The following WNK1 variants were observed in gnomAD, a reference collection of about 807,000 sequenced individuals.
The protein encoded by WNK1 is serine/threonine-protein kinase WNK1.
WNK1 carries 38 observed loss-of-function variants against 222.8 expected under a neutral mutation model. The ratio of observed to expected loss-of-function variants is 0.17; its 90% CI spans 0.13 to 0.22. The LOEUF is 0.22. WNK1 is among the 10% of genes least tolerant of loss of function. WNK1 has a pLI of 1.00. For missense variants in WNK1, 2,348 were observed against 2,918.4 expected, an observed-to-expected ratio of 0.80 and a Z score of 4.50; for synonymous variants, 1,090 against 1,092.9, an observed-to-expected ratio of 1.00 and a Z score of 0.05.
chr12:906,589 C>G, intron 26 of WNK1: 1 of 985,352 alleles, frequency 1.0e-6, no homozygotes, highest in Non-Finnish European at 1.2e-6. Flanking sequence ...GCACACCATA[C>G]AGTCCTTTCC....
At chr12:848,349 A>G (rs767708051) in intron 4 of WNK1, among the ~76,000 whole-genome samples, 3 of 152,156 alleles carry the variant, frequency 2.0e-5, no homozygotes, top group South Asian at 2.1e-4. Flanking sequence ...GTAAAACACA[A>G]ATTGGAGATG....
In WNK1 at chr12:901,238, T is replaced by C. The variant is rs11836302; in HGVS notation, c.6643+568T>C. Among the ~76,000 whole-genome samples, 472 of 152,228 alleles carry C rather than the reference T, an allele frequency of 3.1e-3. 3 individuals are homozygous for C. The highest frequency in any genetic ancestry group is 0.011 in the African/African-American group (437 of 41,534). On this transcript the variant is annotated intron_variant, in intron 26 of 27. Transcript: ENST00000315939. The stretch of plus-strand genomic sequence containing the variant: ...ATCTGGGTGAGAAGAATGAAAAAAA[T>C]ATAGGTACTGGCTTATGTGCCTTTG...
At position 754,153 on chromosome 12, in the gene WNK1, A is replaced by G. The variant is rs766350232; in HGVS notation, c.588A>G (p.Glu196=). ...GGGSAKEPQE[E]RSQQQDDIEE... is the part of the protein sequence containing the mutation. ...GCAGCGCCAAGGAGCCACAGGAGGA[A>G]CGGAGCCAGCAGCAGGATGATATCG... The change falls in exon 1 of 28, where the codon GAA becomes GAG. Residue 196 remains glutamate (E), a synonymous_variant. Coordinates refer to ENST00000315939, the MANE Select transcript of WNK1 (RefSeq NM_018979.4). 3 of 1,613,038 alleles carry G rather than the reference A, an allele frequency of 1.9e-6. No individual in the cohort carries two copies. The South Asian group carries it at 3.3e-5, about 18-fold the overall frequency.
chr12:858,728 G>T (rs1302458482), intron 5 of WNK1, among the ~76,000 whole-genome samples: 1 of 152,104 alleles, frequency 6.6e-6, no homozygotes, highest in East Asian at 1.9e-4. Context: ...CTGTGAGCAA[G>T]ATTCTCAACC....
chr12:813,001 G>A (rs1016725711), intron 1 of WNK1, among the ~76,000 whole-genome samples: 3 of 152,048 alleles, frequency 2.0e-5, no homozygotes, highest in African/African-American at 7.3e-5. Flanking sequence ...CAGGCTTTGG[G>A]ATGCCAAAGT....
chr12:767,486 C>T (rs924065622), intron 1 of WNK1, among the ~76,000 whole-genome samples: 21 of 151,448 alleles, frequency 1.4e-4, no homozygotes, highest in African/African-American at 3.6e-4. Flanking sequence ...CTCCTGACCC[C>T]GTGATCCACC....
chr12:904,156 C>T (rs1040018328), intron 26 of WNK1, among the ~76,000 whole-genome samples: 1 of 152,116 alleles, frequency 6.6e-6, no homozygotes, highest in African/African-American at 2.4e-5. Flanking sequence ...GACTGGAGTT[C>T]CTCGCCAATT....
intron 4 of WNK1, among the ~76,000 whole-genome samples, chr12:848,496 CTTTTTT>C (rs10644583): frequency 3.0e-5 from 3 of 99,256 alleles, no homozygotes; most frequent in Non-Finnish European, 3.8e-5. Flanking sequence ...CCAGTAAAAA[CTTTTTT>C]TTTTTTTTTT....
At position 809,243 on chromosome 12, in the gene WNK1, A is replaced by ATTT. The variant is rs869187932; in HGVS notation, c.760-4387_760-4385dup. 1.0e-3 allele frequency among the ~76,000 whole-genome samples: 107 copies of ATTT among 104,558 alleles called. 1 individual carries two copies. The highest frequency in any genetic ancestry group is 3.0e-3 in the African/African-American group (81 of 26,632). The allele number at this position is 104,558 out of a possible 152,430, so 68.6% of individuals were successfully genotyped here. A position where few individuals can be genotyped will look rare whatever the true frequency, so the allele number is the denominator to read the frequency against. ...TTTTGAGGAAAAAAAAAAAAAAAAA[A>ATTT]TTTTTTTTTTTTTTGGTCTTTCTGA... On this transcript the variant is annotated intron_variant, in intron 1 of 27. Transcript: ENST00000315939.
intron 4 of WNK1, chr12:851,306 A>G (rs1950404133): frequency 2.1e-6 from 2 of 943,960 alleles, no homozygotes; most frequent in Non-Finnish European, 2.5e-6. Context: ...ATGGGTTTCT[A>G]GTGTACATAG....
At position 883,495 on chromosome 12, in the gene WNK1, G is replaced by C. The variant is rs1592165053; in HGVS notation, c.3590G>C (p.Ser1197Thr). 1 of 1,614,068 alleles carries C rather than the reference G, an allele frequency of 6.2e-7. No homozygotes were observed. The highest frequency in any genetic ancestry group is 8.5e-7 in the Non-Finnish European group (1 of 1,180,026). The change falls in exon 16 of 28, where the codon AGT (serine) becomes ACT (threonine). Residue 1197 changes from serine (S) to threonine (T), a missense_variant. Ser to Thr is a moderately conservative substitution (Grantham distance 58). Transcript: ENST00000315939. The part of the protein sequence containing the change: ...KADEMLSEDV[S>T]VEPEGDQGLE... Reference sequence around the variant, plus strand: ...GATGAAATGCTCAGTGAGGATGTCAGTGTGGAACCAGAGGGTGATCAGGGA... The same window carrying C: ...GATGAAATGCTCAGTGAGGATGTCACTGTGGAACCAGAGGGTGATCAGGGA...
At chr12:873,820 C>T (rs771931260) in intron 9 of WNK1, among the ~76,000 whole-genome samples, 1 of 152,050 alleles carries the variant, frequency 6.6e-6, no homozygotes, top group Non-Finnish European at 1.5e-5. Flanking sequence ...AACCATATCT[C>T]TTGTTTTATT....
In WNK1 at chr12:853,493, TGAACCCAGATAC is replaced by T. The variant is rs1487602307; in HGVS notation, c.1312-3665_1312-3654del. Among the ~76,000 whole-genome samples, 4 of 152,198 alleles carry T rather than the reference TGAACCCAGATAC, an allele frequency of 2.6e-5. No homozygotes were observed. In the South Asian group the frequency reaches 8.3e-4, roughly 31 times the overall value. On this transcript the variant is annotated intron_variant, in intron 4 of 27. Coordinates refer to ENST00000315939, the MANE Select transcript of WNK1 (RefSeq NM_018979.4). Reference sequence around the variant, plus strand: ...GCAAACTTAATACTTCAAGGAGCTTTGAACCCAGATACGACATTTGAATTCAGTTGGACAGGT... The same window carrying T: ...GCAAACTTAATACTTCAAGGAGCTTTGACATTTGAATTCAGTTGGACAGGT...
In WNK1 at chr12:754,005, C is replaced by T; in HGVS notation, c.440C>T (p.Ala147Val). The T allele has an allele frequency of 6.3e-7, 1 of 1,586,338 alleles. No homozygotes were observed. The highest frequency in any genetic ancestry group is 1.1e-5 in the South Asian group (1 of 88,676). ...PPAAAAPGEQAVAGPAPSTVP... is the reference protein window; with the variant it reads ...PPAAAAPGEQVVAGPAPSTVP... ...GCCGCTGCCGCCCCTGGGGAACAGGCCGTCGCGGGCCCTGCCCCCTCGACT... is the reference window on the plus strand; with the variant it reads ...GCCGCTGCCGCCCCTGGGGAACAGGTCGTCGCGGGCCCTGCCCCCTCGACT... The change falls in exon 1 of 28, where the codon GCC (alanine) becomes GTC (valine). Residue 147 changes from alanine (A) to valine (V), a missense_variant. This residue lies in a region of WNK1 where 185 missense variants were observed against 159.2 expected (regional missense o/e 1.16). Transcript: ENST00000315939.
chr12:859,588 G>A (rs946059259), intron 6 of WNK1, 124 bp downstream of exon 6: 3 of 670,692 alleles, frequency 4.5e-6, no homozygotes, highest in Non-Finnish European at 7.4e-6. Context: ...AATTGTGATG[G>A]CCCTAAAAGT....
Position 889,124 on chromosome 12 carries a change from G to A in WNK1, c.5365-16G>A, listed in dbSNP as rs748237692. 1.2e-6 allele frequency: 2 copies of A among 1,611,354 alleles called. No individual in the cohort carries two copies. Among genetic ancestry groups the A allele is most frequent in the Non-Finnish European group, 1.7e-6 (2 of 1,177,514 alleles). ...GGTGCCACGGAACTGTATTTACTGT[G>A]ATTGTTTTCATTCAGTCCCAGCAAC... On this transcript the variant is annotated splice_polypyrimidine_tract_variant and intron_variant, in intron 20 of 27. Coordinates refer to ENST00000315939, the MANE Select transcript of WNK1 (RefSeq NM_018979.4).
intron 4 of WNK1, among the ~76,000 whole-genome samples, chr12:846,543 T>C (rs895161148): frequency 2.6e-5 from 4 of 152,218 alleles, no homozygotes; most frequent in Non-Finnish European, 5.9e-5. Context: ...AGGCTTGTTT[T>C]CCAATGGGAT....
intron 1 of WNK1, among the ~76,000 whole-genome samples, chr12:774,899 C>G (rs980367756): frequency 6.6e-6 from 1 of 152,102 alleles, no homozygotes; most frequent in Non-Finnish European, 1.5e-5. Flanking sequence ...TTCCTTATAT[C>G]AGAATGAATC....
intron 1 of WNK1, chr12:781,289 T>C (rs1943680460): frequency 6.5e-6 from 1 of 153,092 alleles, no homozygotes; most frequent in Non-Finnish European, 1.5e-5. Context: ...AGGGGGAAAA[T>C]ACTGTTTACT....
Sources: allele counts gnomAD v4.1 joint callset (sites outside exome capture counted in the v4.1 genomes callset), GRCh38; gene constraint gnomAD v4.1.1; regional missense constraint gnomAD v4.1.1; transcripts MANE v1.5; gene names NCBI Gene and HGNC (gene_info 2026-07-23, HGNC 2026-07-21).